LAMA2: variants seen among roughly 807,000 people sequenced by gnomAD.
The protein encoded by LAMA2 is laminin subunit alpha 2.
A neutral mutation model predicts 364.8 loss-of-function variants in LAMA2; 269 were observed. The observed-to-expected ratio is 0.74, with a 90% confidence interval of 0.67 to 0.82. The LOEUF (loss-of-function observed/expected upper bound fraction) is 0.82. LAMA2 is among the 40% of genes least tolerant of loss of function. The probability of loss-of-function intolerance (pLI) is 0.00; values close to 1 mark genes in which losing one functional copy is unlikely to be tolerated. For missense variants in LAMA2, 3,807 were observed against 3,873.2 expected (o/e 0.98, Z 0.45); for synonymous variants, 1,379 against 1,370.6 (o/e 1.01, Z -0.14).
intron 1 of LAMA2, among the ~76,000 whole-genome samples, chr6:128,924,145 A>G (rs902650454): frequency 6.6e-6 from 1 of 152,194 alleles, no homozygotes; most frequent in Non-Finnish European, 1.5e-5. Flanking sequence ...CAAAGATTCT[A>G]GCTGCTCCCT....
intron 35 of LAMA2, among the ~76,000 whole-genome samples, chr6:129,384,235 A>C (rs548962602): frequency 6.6e-6 from 1 of 152,196 alleles, no homozygotes; most frequent in Non-Finnish European, 1.5e-5. Context: ...CTGCTAGATG[A>C]AGCTGTTGTA....
At chr6:129,202,187 CAAAAAAAAAA>C (rs776190977) in intron 12 of LAMA2, among the ~76,000 whole-genome samples, 5 of 62,146 alleles carry the variant, frequency 8.0e-5, no homozygotes, top group Non-Finnish European at 1.2e-4. Flanking sequence ...GAGTCTGTCT[CAAAAAAAAAA>C]AAAAAAAAAA....
In LAMA2 at chr6:129,165,604, A is replaced by G. The variant is rs776412628; in HGVS notation, c.1235A>G (p.Gln412Arg). The G allele has an allele frequency of 3.1e-5, 50 of 1,612,888 alleles. No homozygotes were observed. Among genetic ancestry groups the G allele is most frequent in the Non-Finnish European group, 4.2e-5 (50 of 1,179,132 alleles). ...GVSPNYPRPC[Q>R]PCHCDPIGSL... The stretch of plus-strand genomic sequence containing the variant: ...TCTCCAAATTATCCAAGGCCATGCC[A>G]GCCATGTCATTGCGATCCAATTGGT... Residue 412 changes from glutamine to arginine, a missense_variant, in exon 9 of 65, where the codon CAG becomes CGG. Coordinates refer to ENST00000421865, the MANE Select transcript of LAMA2 (RefSeq NM_000426.4).
intron 12 of LAMA2, among the ~76,000 whole-genome samples, chr6:129,229,442 G>T (rs903010124): frequency 2.6e-5 from 4 of 152,154 alleles, no homozygotes; most frequent in Non-Finnish European, 4.4e-5. Context: ...AGAGTTGAAG[G>T]ATATGGGGAA....
intron 1 of LAMA2, among the ~76,000 whole-genome samples, chr6:129,006,939 T>A (rs527753509): frequency 4.1e-4 from 62 of 152,252 alleles, no homozygotes; most frequent in African/African-American, 1.5e-3. Flanking sequence ...CATATTTGCA[T>A]GGGTAACATG....
chr6:129,055,875 T>C (rs562173585), intron 2 of LAMA2, among the ~76,000 whole-genome samples: 1 of 152,360 alleles, frequency 6.6e-6, no homozygotes, highest in East Asian at 1.9e-4. Context: ...TATACGTTTC[T>C]ATCTCCTTTT....
At chr6:129,016,717 TTC>T (rs1012742221) in intron 1 of LAMA2, among the ~76,000 whole-genome samples, 1 of 151,890 alleles carries the variant, frequency 6.6e-6, no homozygotes, top group Non-Finnish European at 1.5e-5. Flanking sequence ...ATGGGCAATA[TTC>T]TCTTTTGATC....
intron 1 of LAMA2, among the ~76,000 whole-genome samples, chr6:128,976,398 A>G (rs1471184486): frequency 6.6e-6 from 1 of 152,184 alleles, no homozygotes; most frequent in African/African-American, 2.4e-5. Flanking sequence ...CTAGCTGGTG[A>G]TAATGATTTG....
chr6:129,207,234 A>G (rs1050435517), intron 12 of LAMA2, among the ~76,000 whole-genome samples: 3 of 152,174 alleles, frequency 2.0e-5, no homozygotes, highest in Non-Finnish European at 4.4e-5. Flanking sequence ...CGTTTCCTTC[A>G]TTAGGAAGAG....
intron 13 of LAMA2, among the ~76,000 whole-genome samples, chr6:129,251,062 CTCTCTCTCTCTCTCTATATA>C (rs1338136126): frequency 0.035 from 2,450 of 70,792 alleles, 27 homozygotes; most frequent in East Asian, 0.18. Context: ...CTCTCTCTCT[CTCTCTCTCTCTCTCTATATA>C]TATATATATA....
intron 1 of LAMA2, among the ~76,000 whole-genome samples, chr6:129,032,445 T>C (rs1786303462): frequency 6.6e-6 from 1 of 152,086 alleles, no homozygotes; most frequent in Non-Finnish European, 1.5e-5. Flanking sequence ...GAAGGAGCGT[T>C]AAGGAACAGA....
chr6:129,394,639 G>A (rs118059050), intron 37 of LAMA2, among the ~76,000 whole-genome samples: 3,066 of 152,302 alleles, frequency 0.02, 43 homozygotes, highest in Non-Finnish European at 0.033. Flanking sequence ...CACCCTGCTC[G>A]GTGACACACC....
chr6:129,260,920 A>G (rs1021959937), intron 15 of LAMA2, 98 bp downstream of exon 15: 23 of 776,198 alleles, frequency 3.0e-5, no homozygotes, highest in Non-Finnish European at 5.3e-5. Flanking sequence ...TCTATCAATA[A>G]TTACACAAAT....
At chr6:129,112,866 A>G (rs1255260584) in intron 4 of LAMA2, among the ~76,000 whole-genome samples, 1 of 151,982 alleles carries the variant, frequency 6.6e-6, no homozygotes, top group Admixed American at 6.6e-5. Context: ...CCTACTGAAT[A>G]ACTGAATAAA....
rs760984320 is a variant in LAMA2 at position 129,059,879 on chromosome 6, ACCC to A, written c.380_382del (p.Thr127_Leu128delinsMet). On this transcript the variant is annotated inframe_deletion, in exon 3 of 65. Transcript: ENST00000421865. ...AATCGAATACCATTATGTGACAATT[ACCC>A]TGGATTTACAGCAGGTATAGTTCCT... 6.3e-7 allele frequency: 1 copy of A among 1,579,210 alleles called. No individual in the cohort carries two copies. Among genetic ancestry groups the A allele is most frequent in the South Asian group, 1.1e-5 (1 of 90,440 alleles).
intron 3 of LAMA2, among the ~76,000 whole-genome samples, chr6:129,089,497 TTGTACTC>T (rs1489113190): frequency 6.6e-6 from 1 of 152,242 alleles, no homozygotes; most frequent in Non-Finnish European, 1.5e-5. Flanking sequence ...CACACCATTG[TTGTACTC>T]TGTGACAGTT....
At chr6:129,151,734 T>C (rs935746561) in intron 7 of LAMA2, among the ~76,000 whole-genome samples, 1 of 152,104 alleles carries the variant, frequency 6.6e-6, no homozygotes, top group African/African-American at 2.4e-5. Context: ...CATCAGATCT[T>C]GTACGAACTC....
chr6:129,316,203 AT>A, intron 27 of LAMA2, 32 bp downstream of exon 27: 1 of 1,556,810 alleles, frequency 6.4e-7, no homozygotes, highest in Non-Finnish European at 8.8e-7. Context: ...TCAAGCTCTT[AT>A]TTTAGAGTCT....
At chr6:129,340,149 C>T (rs1776181258) in intron 29 of LAMA2, among the ~76,000 whole-genome samples, 1 of 152,056 alleles carries the variant, frequency 6.6e-6, no homozygotes, top group African/African-American at 2.4e-5. Context: ...ATGGGTCATC[C>T]TGGTATTATG....
Sources: allele counts gnomAD v4.1 joint callset (sites outside exome capture counted in the v4.1 genomes callset), GRCh38; gene constraint gnomAD v4.1.1; transcripts MANE v1.5; gene names NCBI Gene and HGNC (gene_info 2026-07-23, HGNC 2026-07-21).